Variants in ABCC6 observed in about 807,000 individuals in gnomAD.
ABCC6 encodes ATP-binding cassette sub-family C member 6.
A neutral mutation model predicts 169.5 loss-of-function variants in ABCC6; 126 were observed. The ratio of observed to expected loss-of-function variants is 0.74; its 90% confidence interval spans 0.64 to 0.86. ABCC6 has a LOEUF of 0.86. Among genes scored for constraint, ABCC6 ranks in the 40% least tolerant of loss-of-function variants. The pLI, the probability that ABCC6 is intolerant of heterozygous loss-of-function variation, is 0.00. For missense variants in ABCC6, 1,733 were observed against 1,927.2 expected, an observed-to-expected ratio of 0.90 and a Z score of 1.89; for synonymous variants, 752 against 814.7, an observed-to-expected ratio of 0.92 and a Z score of 1.31.
At chr16:16,159,234 A>G (rs1287519779) in intron 26 of ABCC6, among the ~76,000 whole-genome samples, 2 of 151,938 alleles carry the variant, frequency 1.3e-5, no homozygotes, top group African/African-American at 4.8e-5. Flanking sequence ...GGTTCCCTGC[A>G]CTCCCATGGG....
intron 14 of ABCC6, among the ~76,000 whole-genome samples, chr16:16,185,519 C>T (rs2047626564): frequency 6.6e-6 from 1 of 152,176 alleles, no homozygotes; most frequent in Non-Finnish European, 1.5e-5. Context: ...CACAGTGTCT[C>T]ATGCCTGTAA....
In ABCC6 at chr16:16,165,708, A is replaced by C. The variant is rs1450027163; in HGVS notation, c.3221T>G (p.Leu1074Arg). The change falls in exon 23 of 31, where the codon CTG (leucine) becomes CGG (arginine). Residue 1074 changes from leucine (L) to arginine (R), a missense_variant. Around this residue, in one of 5 missense-constraint regions of ABCC6, gnomAD observed 1,601 missense variants for 1,635.5 expected, o/e 0.98. Coordinates refer to ENST00000205557, the MANE Select transcript of ABCC6 (RefSeq NM_001171.6). ...RSLLMYAFGL[L>R]EVSLVVAVAT... ...CACTGCCACCACCAGGCTGACCTCCAGGAGTCCAAAGGCGTACATCAGCAG... is the reference window on the plus strand; with the variant it reads ...CACTGCCACCACCAGGCTGACCTCCCGGAGTCCAAAGGCGTACATCAGCAG... 1 of 1,613,544 alleles carries C rather than the reference A, an allele frequency of 6.2e-7. No homozygotes were observed. Among genetic ancestry groups the C allele is most frequent in the East Asian group, 2.2e-5 (1 of 44,878 alleles).
intron 11 of ABCC6, among the ~76,000 whole-genome samples, 165 bp from the exon 12 acceptor site, chr16:16,190,532 C>T (rs918884241): frequency 6.6e-6 from 1 of 152,054 alleles, no homozygotes; most frequent in African/African-American, 2.4e-5. Flanking sequence ...CAACCACCAT[C>T]ATCCTGTACC....
chr16:16,190,912 TG>T (rs1442598869), intron 11 of ABCC6, among the ~76,000 whole-genome samples: 1 of 13,914 alleles, frequency 7.2e-5, no homozygotes, highest in South Asian at 2.6e-3. Flanking sequence ...GAGATGGGGG[TG>T]GGGGGTGGGG....
intron 6 of ABCC6, among the ~76,000 whole-genome samples, chr16:16,209,518 G>T (rs577477610): frequency 6.6e-6 from 1 of 152,098 alleles, no homozygotes; most frequent in Non-Finnish European, 1.5e-5. Flanking sequence ...AAGGGAAACA[G>T]ACATTTCCCT....
intron 23 of ABCC6, 57 bp downstream of exon 23, chr16:16,165,564 CAG>C: frequency 1.3e-6 from 2 of 1,590,232 alleles, no homozygotes; most frequent in South Asian, 1.1e-5. Flanking sequence ...TCCCCAGAGA[CAG>C]GGGACTGGCT....
Position 16,185,029 on chromosome 16 carries a change from C to A in ABCC6, c.1873G>T (p.Gly625Trp). Reference sequence around the variant, plus strand: ...CTGTGTATGGTGATGCAATCCTTCCCGGCAGCTGCAGGGCACAAGAGGCCA... The same window carrying A: ...CTGTGTATGGTGATGCAATCCTTCCAGGCAGCTGCAGGGCACAAGAGGCCA... ...VDSSSSGSAA[G>W]KDCITIHSAT... The change falls in exon 15 of 31, where the codon GGG becomes TGG. Residue 625 changes from glycine (G) to tryptophan (W), a missense_variant. By Grantham distance (184) the Gly-to-Trp change is radical. Coordinates refer to ENST00000205557, the MANE Select transcript of ABCC6 (RefSeq NM_001171.6). 1 of 1,613,552 alleles carries A rather than the reference C, an allele frequency of 6.2e-7. No homozygotes were observed. The highest frequency in any genetic ancestry group is 8.5e-7 in the Non-Finnish European group (1 of 1,179,522).
At chr16:16,211,621 C>A (rs1156281468) in intron 6 of ABCC6, among the ~76,000 whole-genome samples, 1 of 152,138 alleles carries the variant, frequency 6.6e-6, no homozygotes, top group Non-Finnish European at 1.5e-5. Flanking sequence ...ATCCATATGT[C>A]AGGTGCTACT....
chr16:16,222,024 T>A (rs2856483), intron 1 of ABCC6, among the ~76,000 whole-genome samples, 193 bp from the exon 2 acceptor site: 6 of 152,218 alleles, frequency 3.9e-5, no homozygotes, highest in Admixed American at 6.5e-5. Context: ...TTATATTGAT[T>A]TGCAGATGAA....
chr16:16,176,275 C>T (rs1365637072), intron 19 of ABCC6, among the ~76,000 whole-genome samples: 2 of 152,142 alleles, frequency 1.3e-5, no homozygotes. Context: ...CTCTGTTTCC[C>T]CCAACAGCCT....
intron 21 of ABCC6, among the ~76,000 whole-genome samples, chr16:16,172,450 G>GGGTGGGATGGCTAAATGAGT (rs2047144557): frequency 3.5e-5 from 1 of 28,316 alleles, no homozygotes; most frequent in Non-Finnish European, 7.0e-5. Context: ...GATAAATGAG[G>GGGTGGGATGGCTAAATGAGT]GGGTGGGATG....
rs200242428 is a variant in ABCC6 at position 16,157,805 on chromosome 16, G to C, written c.3740C>G (p.Pro1247Arg). 2 of 1,610,436 alleles carry C rather than the reference G, an allele frequency of 1.2e-6. No homozygotes were observed. Among genetic ancestry groups the C allele is most frequent in the Non-Finnish European group, 1.7e-6 (2 of 1,179,540 alleles). The change falls in exon 27 of 31, where the codon CCC becomes CGC. Residue 1247 changes from proline (P) to arginine (R), a missense_variant. This residue lies in a region of ABCC6 where 1,601 missense variants were observed against 1,635.5 expected (regional missense o/e 0.98). Coordinates refer to ENST00000205557, the MANE Select transcript of ABCC6 (RefSeq NM_001171.6). The stretch of plus-strand genomic sequence containing the variant: ...AGCTGCACATGTGGGCAGCCTCCAG[G>C]GAGCCTGGAGCAGGAGGGGAAACTG... ...QDYAWTPKEA[P>R]WRLPTCAAQP... is the part of the protein sequence containing the mutation.
At chr16:16,222,809 C>A (rs555465399) in intron 1 of ABCC6, among the ~76,000 whole-genome samples, 7 of 152,186 alleles carry the variant, frequency 4.6e-5, no homozygotes, top group Admixed American at 4.6e-4. Context: ...CACAACTCAC[C>A]GGCTGTGCAA....
chr16:16,153,240 T>G (rs2152210439), intron 29 of ABCC6, among the ~76,000 whole-genome samples: 1 of 152,254 alleles, frequency 6.6e-6, no homozygotes, highest in African/African-American at 2.4e-5. Flanking sequence ...CCTATACACC[T>G]ATGTTCATAG....
chr16:16,168,706 C>T (rs139179087), intron 22 of ABCC6, among the ~76,000 whole-genome samples: 98 of 152,188 alleles, frequency 6.4e-4, no homozygotes, highest in African/African-American at 2.3e-3. Context: ...GTGATGGATG[C>T]GAGAGACTGA....
In ABCC6 at chr16:16,187,208, G is replaced by A. The variant is rs150866831; in HGVS notation, c.1783C>T (p.Arg595Trp). ...GTGACCAGACGGTCAAAGGACACCC[G>A]GGCCTAGGAAAACCGAAGCCGCAGG... ...PFSIHSLVQARVSFDRLVTFL... is the reference protein window; with the variant it reads ...PFSIHSLVQAWVSFDRLVTFL... Residue 595 changes from arginine (R) to tryptophan (W), a missense_variant, in exon 14 of 31, where the codon CGG becomes TGG. By Grantham distance (101) the Arg-to-Trp change is moderately radical. Transcript: ENST00000205557. 228 of 1,613,214 alleles carry A rather than the reference G, an allele frequency of 1.4e-4. No homozygotes were observed. In the African/African-American group the frequency reaches 2.4e-3, roughly 17 times the overall value.
chr16:16,150,881 T>TG (rs2046368247), intron 29 of ABCC6, 109 bp from the exon 30 acceptor site: 24 of 1,531,108 alleles, frequency 1.6e-5, no homozygotes, highest in Non-Finnish European at 2.1e-5. Context: ...GAGGTGCCTG[T>TG]GTTCAGGCAT....
intron 4 of ABCC6, among the ~76,000 whole-genome samples, chr16:16,217,828 G>T (rs942651711): frequency 1.3e-5 from 2 of 152,210 alleles, no homozygotes; most frequent in African/African-American, 4.8e-5. Flanking sequence ...TGTGGCTCAC[G>T]CCTGTAATCC....
chr16:16,211,036 A>T (rs2048595297), intron 6 of ABCC6, among the ~76,000 whole-genome samples: 1 of 151,782 alleles, frequency 6.6e-6, no homozygotes, highest in Non-Finnish European at 1.5e-5. Flanking sequence ...TGGAGGTTGC[A>T]GTGAGCTGAG....
Sources: allele counts gnomAD v4.1 joint callset (sites outside exome capture counted in the v4.1 genomes callset), GRCh38; gene constraint gnomAD v4.1.1; regional missense constraint gnomAD v4.1.1; transcripts MANE v1.5; gene names NCBI Gene and HGNC (gene_info 2026-07-23, HGNC 2026-07-21).